DMD: variants seen among roughly 807,000 people sequenced by gnomAD.
DMD encodes mutant dystrophin.
In DMD, 63 loss-of-function variants were observed where a neutral mutation model predicts 330.1. The ratio of observed to expected loss-of-function variants is 0.19; its 90% confidence interval spans 0.16 to 0.24. The LOEUF (loss-of-function observed/expected upper bound fraction) is 0.24, where lower values mean the gene tolerates loss of function less well. Among genes scored for constraint, DMD ranks in the 10% least tolerant of loss-of-function variants. DMD has a pLI of 1.00. For missense variants in DMD, 3,344 were observed against 2,684.1 expected (o/e 1.25, Z -5.43); for synonymous variants, 1,223 against 959.8 (o/e 1.27, Z -5.07).
intron 44 of DMD, among the ~76,000 whole-genome samples, chrX:32,117,050 A>G (rs1425834738): frequency 8.9e-6 from 1 of 111,843 alleles, no homozygotes; most frequent in East Asian, 2.8e-4. Context: ...TTCCCTGACA[A>G]CACAAATGGA....
At chrX:31,220,680 T>C (rs753914197) in intron 64 of DMD, among the ~76,000 whole-genome samples, 10 of 110,525 alleles carry the variant, frequency 9.0e-5, no homozygotes, top group Non-Finnish European at 1.7e-4. Flanking sequence ...CCCTAAACGT[T>C]GTTTGTATAT....
intron 2 of DMD, among the ~76,000 whole-genome samples, chrX:32,869,688 A>G (rs1179017602): frequency 9.1e-6 from 1 of 110,153 alleles, no homozygotes; most frequent in Non-Finnish European, 1.9e-5. Flanking sequence ...ACCAGCAGAC[A>G]AGATTAGAGA....
chrX:31,175,042 G>C (rs1483151040), intron 71 of DMD, among the ~76,000 whole-genome samples: 1 of 111,964 alleles, frequency 8.9e-6, no homozygotes. Flanking sequence ...GAGTTAATCT[G>C]TTAATCTTCT....
At chrX:31,467,752 C>T (rs1029919270) in intron 59 of DMD, among the ~76,000 whole-genome samples, 1 of 111,576 alleles carries the variant, frequency 9.0e-6, no homozygotes, top group African/African-American at 3.3e-5. Flanking sequence ...ACCAGCTCCT[C>T]TTTGTACCTC....
At chrX:33,248,598 T>G (rs899237432) in intron 1 of DMD, among the ~76,000 whole-genome samples, 1 of 111,871 alleles carries the variant, frequency 8.9e-6, no homozygotes, top group African/African-American at 3.2e-5. Context: ...CATTCATGAA[T>G]GTAGTTATTA....
At chrX:31,628,372 C>T (rs943122522) in intron 54 of DMD, among the ~76,000 whole-genome samples, 2 of 110,280 alleles carry the variant, frequency 1.8e-5, no homozygotes, top group African/African-American at 6.6e-5. Context: ...CAAGAAAATA[C>T]AAACCTAGAA....
At chrX:31,142,346 C>T (rs767511285) in intron 76 of DMD, among the ~76,000 whole-genome samples, 2 of 111,066 alleles carry the variant, frequency 1.8e-5, no homozygotes, top group East Asian at 5.6e-4. Flanking sequence ...ACTATATACA[C>T]GCATGAATAT....
chrX:33,014,331 C>T, intron 2 of DMD, among the ~76,000 whole-genome samples: 1 of 111,933 alleles, frequency 8.9e-6, no homozygotes, highest in Non-Finnish European at 1.9e-5. Flanking sequence ...GCATTGTGGA[C>T]AAGCTGTCCT....
chrX:32,207,672 C>T lies in DMD; in HGVS notation c.6438+9244G>A, dbSNP rs369359672. Among the ~76,000 whole-genome samples the T allele has an allele frequency of 9.8e-5, 11 of 112,056 alleles. No homozygotes were observed. In the East Asian group the frequency reaches 2.0e-3, roughly 20 times the overall value. ...CCTGACCATTCTTTGAAGGATAGCACTGGTTATGAGATTAAATTTGAAAGT... is the reference window on the plus strand; with the variant it reads ...CCTGACCATTCTTTGAAGGATAGCATTGGTTATGAGATTAAATTTGAAAGT... On this transcript the variant is annotated intron_variant, in intron 44 of 78. Coordinates refer to ENST00000357033, the MANE Select transcript of DMD (RefSeq NM_004006.3).
At chrX:32,374,836 T>A in intron 34 of DMD, among the ~76,000 whole-genome samples, 1 of 112,109 alleles carries the variant, frequency 8.9e-6, no homozygotes, top group Admixed American at 9.5e-5. Context: ...AATACACCCA[T>A]GTAACAAACT....
Position 32,441,285 on chromosome X carries a change from C to A in DMD, c.3816G>T (p.Leu1272Phe), listed in dbSNP as rs760733415. The change falls in exon 28 of 79, where the codon TTG becomes TTT. Residue 1272 changes from leucine (L) to phenylalanine (F), a missense_variant. Physicochemically the swap from Leu to Phe is conservative, Grantham distance 22. Coordinates refer to ENST00000357033, the MANE Select transcript of DMD (RefSeq NM_004006.3). The stretch of plus-strand genomic sequence containing the variant: ...ACTTGTTTGCTTTCTCCAAGTATGA[C>A]AATAACTCATGCCAACATGCCCAAA... ...EEVWACWHEL[L>F]SYLEKANKWL... The A allele has an allele frequency of 9.9e-6, 12 of 1,208,636 alleles. No individual in the cohort carries two copies. Among genetic ancestry groups the A allele is most frequent in the Middle Eastern group, 2.3e-4 (1 of 4,335 alleles).
chrX:31,591,087 G>A (rs1021699651), intron 55 of DMD, among the ~76,000 whole-genome samples: 97 of 111,382 alleles, frequency 8.7e-4, no homozygotes, highest in African/African-American at 3.0e-3. Flanking sequence ...AATACTTAAC[G>A]GAAAAAATCT....
chrX:32,846,473 G>T (rs2080679008), intron 3 of DMD, among the ~76,000 whole-genome samples: 1 of 110,848 alleles, frequency 9.0e-6, no homozygotes. Context: ...CATTTGCACT[G>T]CCTGCTGAAC....
At chrX:32,211,588 G>A (rs111439931) in intron 44 of DMD, among the ~76,000 whole-genome samples, 10,501 of 111,282 alleles carry the variant, frequency 0.094, 505 homozygotes, top group Admixed American at 0.14. Context: ...ATTCATGTCA[G>A]AATAACACAC....
chrX:31,611,154 T>A (rs2148297873), intron 55 of DMD, among the ~76,000 whole-genome samples: 1 of 110,016 alleles, frequency 9.1e-6, no homozygotes, highest in South Asian at 4.0e-4. Flanking sequence ...GTTCTCAAAT[T>A]TAAGTGGGCA....
Position 32,713,042 on chromosome X carries a change from A to G in DMD, c.650-13749T>C, listed in dbSNP as rs757230809. ...ATTGTGTACTAAATTTACCTAAATA[A>G]AAGGGAATGTTGTCAAAATATCTAT... On this transcript the variant is annotated intron_variant, in intron 7 of 78. Transcript: ENST00000357033. 4.8e-3 allele frequency among the ~76,000 whole-genome samples: 538 copies of G among 111,762 alleles called. 12 individuals carry two copies. Among genetic ancestry groups the G allele is most frequent in the African/African-American group, 0.016 (508 of 30,825 alleles).
rs191655606 is a variant in DMD at position 33,103,589 on chromosome X, A to G, written c.32-83389T>C. ...ATTTTCCTTTACCTACCGAAAGCTT[A>G]TAAAACGGCCCCACCCCTATCTCCC... On this transcript the variant is annotated intron_variant, in intron 1 of 78. Transcript: ENST00000357033. Among the ~76,000 whole-genome samples the G allele has an allele frequency of 4.5e-5, 5 of 110,378 alleles. No homozygotes were observed. In the East Asian group the frequency reaches 1.4e-3, roughly 31 times the overall value.
Position 32,365,221 on chromosome X carries a change from C to T in DMD, c.4846-22G>A, listed in dbSNP as rs376213128. The stretch of plus-strand genomic sequence containing the variant: ...TAGCCTGTGAAAAGGAGAGCATTGA[C>T]CTTCAAGTAATGTCTTGTAGTCTTA... On this transcript the variant is annotated intron_variant, in intron 34 of 78. Transcript: ENST00000357033. 21 of 1,200,292 alleles carry T rather than the reference C, an allele frequency of 1.7e-5. No homozygotes were observed. The African/African-American group carries it at 3.5e-4, about 20-fold the overall frequency.
At chrX:31,361,159 G>C (rs2058918169) in intron 60 of DMD, among the ~76,000 whole-genome samples, 1 of 109,315 alleles carries the variant, frequency 9.1e-6, no homozygotes, top group South Asian at 3.8e-4. Context: ...GAGTTTGACA[G>C]ACCCATCTTT....
Sources: gnomAD v4.1 joint callset for allele counts (sites outside exome capture counted in the v4.1 genomes callset) on GRCh38, gnomAD v4.1.1 for gene constraint, MANE v1.5 for transcripts, NCBI Gene and HGNC (gene_info 2026-07-23, HGNC 2026-07-21) for gene names.